The following FRMD4B variants were observed in gnomAD, a reference collection of about 807,000 sequenced individuals.
The protein encoded by FRMD4B is FERM domain-containing protein 4B.
Under a neutral mutation model 141.5 loss-of-function variants are expected in FRMD4B, and 74 were observed. The ratio of observed to expected loss-of-function variants is 0.52; its 90% CI spans 0.43 to 0.63. FRMD4B has a LOEUF of 0.63. Among genes scored for constraint, FRMD4B ranks in the 30% least tolerant of loss-of-function variants. FRMD4B has a pLI of 0.00. For missense variants in FRMD4B, 1,366 were observed against 1,253.4 expected (o/e 1.09, Z -1.36); for synonymous variants, 506 against 467.9 (o/e 1.08, Z -1.05).
At chr3:69,301,701 AT>A (rs1344440898) in intron 4 of FRMD4B, among the ~76,000 whole-genome samples, 1 of 152,220 alleles carries the variant, frequency 6.6e-6, no homozygotes, top group Non-Finnish European at 1.5e-5. Flanking sequence ...CATGAGATGG[AT>A]TTGAGAAATT....
intron 5 of FRMD4B, among the ~76,000 whole-genome samples, chr3:69,286,967 G>A (rs190117168): frequency 6.6e-6 from 1 of 152,206 alleles, no homozygotes; most frequent in Admixed American, 6.5e-5. Context: ...ACCACGCCTA[G>A]CTAATTTTTG....
chr3:69,471,638 G>A (rs559256352), intron 1 of FRMD4B: 2 of 176,850 alleles, frequency 1.1e-5, no homozygotes, highest in African/African-American at 4.7e-5. Context: ...CAAAATACAT[G>A]TCTCTTTTCT....
chr3:69,228,254 T>C (rs1037162450), intron 7 of FRMD4B: 2 of 439,762 alleles, frequency 4.5e-6, no homozygotes, highest in Admixed American at 5.0e-5. Flanking sequence ...CTGAAAATTC[T>C]ACACTAATAC....
chr3:69,340,345 C>T (rs570770082), intron 1 of FRMD4B, among the ~76,000 whole-genome samples: 1 of 152,062 alleles, frequency 6.6e-6, no homozygotes, highest in African/African-American at 2.4e-5. Context: ...GCCTTGGTGT[C>T]TGTTGTTCCT....
chr3:69,361,051 C>T (rs1168043586), intron 1 of FRMD4B, among the ~76,000 whole-genome samples: 1 of 152,016 alleles, frequency 6.6e-6, no homozygotes, highest in Admixed American at 6.6e-5. Flanking sequence ...TGCCAGTTTC[C>T]AAAATAACGA....
chr3:69,454,985 A>T (rs1038048705), intron 1 of FRMD4B, among the ~76,000 whole-genome samples: 1 of 152,200 alleles, frequency 6.6e-6, no homozygotes, highest in African/African-American at 2.4e-5. Flanking sequence ...GTTCGTGGGT[A>T]CAACACTCAG....
chr3:69,531,115 T>C (rs372965876), intron 1 of FRMD4B, among the ~76,000 whole-genome samples: 1 of 152,344 alleles, frequency 6.6e-6, no homozygotes. Flanking sequence ...GGAGGAATAA[T>C]AATGATCATT....
intron 1 of FRMD4B, among the ~76,000 whole-genome samples, chr3:69,508,774 G>T (rs965445573): frequency 6.6e-6 from 1 of 152,160 alleles, no homozygotes; most frequent in Non-Finnish European, 1.5e-5. Context: ...ACATATTATA[G>T]CCACCTTTCA....
chr3:69,175,165 T>C (rs748894826), intron 22 of FRMD4B, among the ~76,000 whole-genome samples: 4 of 152,326 alleles, frequency 2.6e-5, no homozygotes, highest in Non-Finnish European at 5.9e-5. Context: ...TTTACCAGCA[T>C]AGAAACCTTT....
chr3:69,490,507 A>G (rs1403379777), intron 1 of FRMD4B, among the ~76,000 whole-genome samples: 3 of 151,914 alleles, frequency 2.0e-5, no homozygotes, highest in Non-Finnish European at 4.4e-5. Flanking sequence ...TTCTACTTGA[A>G]ACCTCTCTCC....
intron 1 of FRMD4B, among the ~76,000 whole-genome samples, chr3:69,496,612 T>TGAGAGAGA (rs142597397): frequency 5.4e-4 from 48 of 88,198 alleles, no homozygotes; most frequent in African/African-American, 2.2e-3. Context: ...AGAGAGAGAG[T>TGAGAGAGA]GAGAGAGAGA....
chr3:69,464,338 T>C (rs1001750352), intron 1 of FRMD4B, among the ~76,000 whole-genome samples: 1 of 152,188 alleles, frequency 6.6e-6, no homozygotes, highest in Non-Finnish European at 1.5e-5. Context: ...CTTGGAAATA[T>C]GCTAGCTTGG....
chr3:69,181,778 A>G lies in FRMD4B; in HGVS notation c.2040-68T>C, dbSNP rs1041506130. 13 of 936,244 alleles carry G rather than the reference A, an allele frequency of 1.4e-5. No individual in the cohort carries two copies. The African/African-American group carries it at 1.8e-4, about 13-fold the overall frequency. 58.0% of individuals were successfully genotyped at this position (936,244 alleles called of 1,614,324 possible). Reference sequence around the variant, plus strand: ...AGGAGGACCCAAATAAGAAAAAAGAATAGCATGCTGAATGACTGAATAGCT... The same window carrying G: ...AGGAGGACCCAAATAAGAAAAAAGAGTAGCATGCTGAATGACTGAATAGCT... On this transcript the variant is annotated intron_variant, in intron 20 of 22. Transcript: ENST00000398540.
chr3:69,448,488 G>A (rs886852411), intron 1 of FRMD4B, among the ~76,000 whole-genome samples: 2 of 152,190 alleles, frequency 1.3e-5, no homozygotes, highest in African/African-American at 4.8e-5. Context: ...CACCAGCAGT[G>A]TATGGGAATT....
chr3:69,335,736 T>G (rs1381755414), intron 1 of FRMD4B, among the ~76,000 whole-genome samples: 17 of 151,406 alleles, frequency 1.1e-4, no homozygotes, highest in South Asian at 2.1e-4. Flanking sequence ...GACTGAGTTT[T>G]TTTTTTTTTT....
At chr3:69,311,219 G>C in intron 3 of FRMD4B, 44 bp downstream of exon 3, 1 of 877,794 alleles carries the variant, frequency 1.1e-6, no homozygotes, top group South Asian at 1.5e-5. Flanking sequence ...CAAGTAGGTA[G>C]CCCAGGCAAA....
At chr3:69,517,092 G>C (rs939926340) in intron 1 of FRMD4B, among the ~76,000 whole-genome samples, 1 of 152,092 alleles carries the variant, frequency 6.6e-6, no homozygotes. Context: ...TTAAGGATGA[G>C]ATTTAATGGT....
At chr3:69,536,260 C>G (rs1439594679) in intron 1 of FRMD4B, 1 of 615,282 alleles carries the variant, frequency 1.6e-6, no homozygotes, top group Non-Finnish European at 3.0e-6. Context: ...TTTCCGCTCT[C>G]CTGGGGACCA....
intron 11 of FRMD4B, among the ~76,000 whole-genome samples, chr3:69,206,805 A>C (rs556759215): frequency 6.6e-6 from 1 of 152,176 alleles, no homozygotes; most frequent in South Asian, 2.1e-4. Context: ...GAGACAAAGA[A>C]TATAAAGCAC....
Sources: gnomAD v4.1 joint callset for allele counts (sites outside exome capture counted in the v4.1 genomes callset) on GRCh38, gnomAD v4.1.1 for gene constraint, MANE v1.5 for transcripts, NCBI Gene and HGNC (gene_info 2026-07-23, HGNC 2026-07-21) for gene names.